Variants in SLC25A48 observed in about 807,000 individuals in gnomAD.
The protein encoded by SLC25A48 is solute carrier family 25 member 48.
A neutral mutation model predicts 32.2 loss-of-function variants in SLC25A48; 29 were observed. The ratio of observed to expected loss-of-function variants is 0.90; its 90% CI spans 0.67 to 1.23. The LOEUF (loss-of-function observed/expected upper bound fraction) is 1.23, where lower values mean the gene tolerates loss of function less well. Ranked by LOEUF, SLC25A48 falls within the 50% of genes most tolerant of loss-of-function variation. The pLI is 0.00. For missense variants in SLC25A48, 399 were observed against 422.7 expected, an observed-to-expected ratio of 0.94 and a Z score of 0.49; for synonymous variants, 164 against 172.3, an observed-to-expected ratio of 0.95 and a Z score of 0.38.
chr5:135,654,059 C>A, intron 3 of SLC25A48: 1 of 374,268 alleles, frequency 2.7e-6, no homozygotes, highest in Non-Finnish European at 5.3e-6. Flanking sequence ...TATGTAACAG[C>A]CACCAGTGGG....
At chr5:135,883,014 T>C (rs1762588704) in intron 7 of SLC25A48, 1 of 984,678 alleles carries the variant, frequency 1.0e-6, no homozygotes, top group Non-Finnish European at 1.2e-6. Flanking sequence ...ATCCAAGATT[T>C]CAAGACTCCC....
At chr5:135,671,972 A>G (rs989949517) in intron 3 of SLC25A48, among the ~76,000 whole-genome samples, 1 of 152,066 alleles carries the variant, frequency 6.6e-6, no homozygotes, top group South Asian at 2.1e-4. Context: ...GGCTTGGCCA[A>G]TTTGTAGGAA....
At position 135,888,214 on chromosome 5, in the gene SLC25A48, C is replaced by A; in HGVS notation, c.*190C>A. ...TGGGATGCCTCATGAGTCACTGATT[C>A]AAGCCCTCCAAGGTTCTGATCCCCA... is the stretch of plus-strand genomic sequence containing the variant. On this transcript the variant is annotated 3_prime_UTR_variant, in exon 8 of 8. Transcript: ENST00000681962. 1.3e-6 allele frequency: 1 copy of A among 786,766 alleles called. No individual in the cohort carries two copies. The highest frequency in any genetic ancestry group is 2.0e-6 in the Non-Finnish European group (1 of 494,094). The allele number at this position is 786,766 out of a possible 1,614,324, so 48.7% of individuals were successfully genotyped here.
upstream of SLC25A48, among the ~76,000 whole-genome samples, chr5:135,833,303 T>C (rs376939177): frequency 2.8e-4 from 42 of 152,380 alleles, no homozygotes; most frequent in African/African-American, 9.4e-4. Context: ...CCTGCCAACG[T>C]AAGACCTCCT....
At position 135,781,380 on chromosome 5, in the gene SLC25A48, A is replaced by T. The variant is rs1242497447; in HGVS notation, c.-520-31143A>T. Among the ~76,000 whole-genome samples the T allele has an allele frequency of 1.7e-5, 2 of 116,812 alleles. 1 individual carries two copies. The highest frequency in any genetic ancestry group is 4.2e-5 in the Non-Finnish European group (2 of 47,362). 76.6% of individuals were successfully genotyped at this position (116,812 alleles called of 152,430 possible). On this transcript the variant is annotated intron_variant, in intron 3 of 10. Transcript: ENST00000646290. ...TGTACGCCTCTCTGTGATCTGGTTC[A>T]TAATATACAGGGGGTAGAGGATGAT...
chr5:135,759,730 G>A (rs1456698915), intron 3 of SLC25A48, among the ~76,000 whole-genome samples: 1 of 152,030 alleles, frequency 6.6e-6, no homozygotes, highest in African/African-American at 2.4e-5. Context: ...AATGCTAAAA[G>A]CAAATATCCT....
intron 3 of SLC25A48, among the ~76,000 whole-genome samples, chr5:135,691,466 G>T (rs1754141793): frequency 6.6e-6 from 1 of 152,164 alleles, no homozygotes; most frequent in Admixed American, 6.5e-5. Context: ...TGCTCTACAT[G>T]CTTCCCTGGA....
intron 1 of SLC25A48, among the ~76,000 whole-genome samples, chr5:135,628,689 A>T (rs1752492716): frequency 6.6e-6 from 1 of 152,036 alleles, no homozygotes; most frequent in African/African-American, 2.4e-5. Context: ...GTCTTAGAGG[A>T]TGGAAACGCC....
chr5:135,736,476 T>C (rs1004944351), intron 3 of SLC25A48, among the ~76,000 whole-genome samples: 1 of 150,864 alleles, frequency 6.6e-6, no homozygotes, highest in Non-Finnish European at 1.5e-5. Flanking sequence ...GAATGGAGGG[T>C]GGTAGGTTGC....
intron 1 of SLC25A48, among the ~76,000 whole-genome samples, chr5:135,591,526 C>A (rs372201121): frequency 2.0e-5 from 3 of 152,224 alleles, no homozygotes; most frequent in African/African-American, 7.2e-5. Context: ...CTCACCTCTC[C>A]CTGCCTCAAC....
At chr5:135,767,807 A>G (rs1756282989) in intron 3 of SLC25A48, among the ~76,000 whole-genome samples, 1 of 151,692 alleles carries the variant, frequency 6.6e-6, no homozygotes, top group Admixed American at 6.6e-5. Flanking sequence ...TGTTCATAAT[A>G]TCCACAGAGA....
intron 6 of SLC25A48, among the ~76,000 whole-genome samples, chr5:135,879,297 C>T (rs181591826): frequency 8.8e-4 from 134 of 152,188 alleles, no homozygotes; most frequent in African/African-American, 3.0e-3. Flanking sequence ...TGCCAGGCAC[C>T]GTGCAAGTGC....
intron 7 of SLC25A48, among the ~76,000 whole-genome samples, chr5:135,882,103 C>T (rs1327144009): frequency 6.6e-6 from 1 of 152,214 alleles, no homozygotes; most frequent in African/African-American, 2.4e-5. Flanking sequence ...CAATTGGAAG[C>T]TTTTCTTTCT....
chr5:135,776,460 G>T (rs764320731), intron 3 of SLC25A48, among the ~76,000 whole-genome samples: 1 of 151,742 alleles, frequency 6.6e-6, no homozygotes, highest in Non-Finnish European at 1.5e-5. Context: ...TTATAATACC[G>T]CAGGAGGTGT....
chr5:135,773,583 G>A (rs1173362073), intron 3 of SLC25A48, among the ~76,000 whole-genome samples: 1 of 151,258 alleles, frequency 6.6e-6, no homozygotes, highest in Non-Finnish European at 1.5e-5. Context: ...CATATATCAG[G>A]GAAGAGTACA....
intron 3 of SLC25A48, among the ~76,000 whole-genome samples, chr5:135,683,823 C>T (rs142258131): frequency 1.2e-4 from 19 of 152,066 alleles, no homozygotes; most frequent in Admixed American, 2.0e-4. Flanking sequence ...GGATGCCCTG[C>T]GGGAATCATT....
chr5:135,717,269 A>G (rs1252310670), intron 3 of SLC25A48, among the ~76,000 whole-genome samples: 1 of 152,196 alleles, frequency 6.6e-6, no homozygotes, highest in Non-Finnish European at 1.5e-5. Flanking sequence ...GGTCACAGAC[A>G]GCACATTGCC....
At chr5:135,724,611 C>T (rs1476149115) in intron 3 of SLC25A48, among the ~76,000 whole-genome samples, 4 of 152,262 alleles carry the variant, frequency 2.6e-5, no homozygotes, top group Non-Finnish European at 5.9e-5. Context: ...AGGCCTGTGT[C>T]TGGCAGAAGT....
intron 3 of SLC25A48, among the ~76,000 whole-genome samples, chr5:135,747,712 A>G (rs1472998966): frequency 1.3e-5 from 2 of 152,222 alleles, no homozygotes; most frequent in Non-Finnish European, 2.9e-5. Flanking sequence ...ATATAGAAAC[A>G]TTTATTAAAC....
Sources: allele counts gnomAD v4.1 joint callset (sites outside exome capture counted in the v4.1 genomes callset), GRCh38; gene constraint gnomAD v4.1.1; transcripts MANE v1.5; gene names NCBI Gene and HGNC (gene_info 2026-07-23, HGNC 2026-07-21).